The following GLB1L3 variants were observed in gnomAD, a reference collection of about 807,000 sequenced individuals.
The protein encoded by GLB1L3 is galactosidase beta 1 like 3.
GLB1L3 carries 89 observed loss-of-function variants against 89.5 expected under a neutral mutation model. The ratio of observed to expected loss-of-function variants is 0.99; its 90% CI spans 0.84 to 1.19. The LOEUF (loss-of-function observed/expected upper bound fraction) is 1.19, where lower values mean the gene tolerates loss of function less well. Ranked by LOEUF, GLB1L3 falls within the 50% of genes most tolerant of loss-of-function variation. The probability of loss-of-function intolerance (pLI) is 0.00; values close to 1 mark genes in which losing one functional copy is unlikely to be tolerated. For synonymous variants in GLB1L3, 314 were observed against 312.3 expected, an observed-to-expected ratio of 1.01 and a Z score of -0.06; for missense variants, 812 against 813.3, an observed-to-expected ratio of 1.00 and a Z score of 0.02.
At chr11:134,297,873 A>AG (rs1207856837) in intron 9 of GLB1L3, among the ~76,000 whole-genome samples, 9 of 133,854 alleles carry the variant, frequency 6.7e-5, no homozygotes, top group South Asian at 2.4e-4. Context: ...AAAAAAAAAA[A>AG]AAAAAAGAAA....
intron 17 of GLB1L3, 91 bp from the exon 18 acceptor site, chr11:134,314,239 C>A: frequency 1.2e-6 from 1 of 860,136 alleles, no homozygotes. Context: ...GAAACAGAAC[C>A]TTAGGCTCGG....
chr11:134,297,788 A>G (rs1340605322), intron 9 of GLB1L3, among the ~76,000 whole-genome samples: 3 of 137,558 alleles, frequency 2.2e-5, no homozygotes, highest in Non-Finnish European at 4.6e-5. Context: ...TGAACCCAGG[A>G]GGTGGAGGTA....
intron 3 of GLB1L3, among the ~76,000 whole-genome samples, chr11:134,280,071 A>C (rs1421699098): frequency 6.6e-6 from 1 of 152,078 alleles, no homozygotes; most frequent in Non-Finnish European, 1.5e-5. Flanking sequence ...TATAGCCCAC[A>C]AATTTTGCTA....
intron 8 of GLB1L3, chr11:134,292,435 C>T (rs1009160699): frequency 6.7e-6 from 3 of 449,966 alleles, no homozygotes; most frequent in African/African-American, 3.9e-5. Context: ...CGTCTTTAAA[C>T]ACAGCAGCAC....
At chr11:134,314,060 C>T in intron 17 of GLB1L3, 32 bp downstream of exon 17, 3 of 1,381,374 alleles carry the variant, frequency 2.2e-6, no homozygotes, top group Middle Eastern at 1.8e-4. Context: ...GTGCACACTT[C>T]AGTGATCGGG....
At chr11:134,299,061 G>A (rs1291540793) in intron 9 of GLB1L3, among the ~76,000 whole-genome samples, 2 of 151,936 alleles carry the variant, frequency 1.3e-5, no homozygotes, top group Admixed American at 6.6e-5. Flanking sequence ...CTTTAAGTTC[G>A]TTGATTCATT....
chr11:134,297,967 T>G (rs1484642013), intron 9 of GLB1L3, among the ~76,000 whole-genome samples: 2 of 151,638 alleles, frequency 1.3e-5, no homozygotes. Flanking sequence ...AGTACTAGGA[T>G]TGTACAATAG....
intron 6 of GLB1L3, among the ~76,000 whole-genome samples, chr11:134,284,612 C>T (rs962608758): frequency 6.6e-6 from 1 of 152,032 alleles, no homozygotes; most frequent in African/African-American, 2.4e-5. Flanking sequence ...GCCTGTAACC[C>T]CAGCTACTCA....
At chr11:134,300,524 C>CG (rs1187406102) in intron 9 of GLB1L3, among the ~76,000 whole-genome samples, 5 of 151,812 alleles carry the variant, frequency 3.3e-5, no homozygotes, top group African/African-American at 4.8e-5. Context: ...TTAGTAGAGA[C>CG]GGGGTTTCAC....
intron 7 of GLB1L3, among the ~76,000 whole-genome samples, chr11:134,290,890 T>G (rs1941321231): frequency 6.6e-6 from 1 of 152,112 alleles, no homozygotes; most frequent in Non-Finnish European, 1.5e-5. Flanking sequence ...TTTCAGTGAC[T>G]TAGATCCTCT....
At chr11:134,280,167 TTTTA>T (rs144409069) in intron 3 of GLB1L3, among the ~76,000 whole-genome samples, 2,391 of 151,988 alleles carry the variant, frequency 0.016, 53 homozygotes, top group African/African-American at 0.055. Context: ...ACGCTTTCTG[TTTTA>T]TTTATTTATT....
At chr11:134,308,380 TCACCAC>T (rs1565413426) in intron 10 of GLB1L3, among the ~76,000 whole-genome samples, 2 of 17,512 alleles carry the variant, frequency 1.1e-4, no homozygotes, top group Non-Finnish European at 2.2e-4. Flanking sequence ...ACCACCACCA[TCACCAC>T]CATCACCACC....
intron 16 of GLB1L3, 75 bp downstream of exon 16, chr11:134,313,549 G>A (rs1262907502): frequency 1.0e-6 from 1 of 993,308 alleles, no homozygotes; most frequent in South Asian, 1.4e-5. Context: ...TCGGGGGCGG[G>A]AGAGGGTGGG....
At chr11:134,322,536 T>G (rs752107853), downstream of GLB1L3, among the ~76,000 whole-genome samples, 1 of 152,170 alleles carries the variant, frequency 6.6e-6, no homozygotes, top group Non-Finnish European at 1.5e-5. Flanking sequence ...TTTTCATCAC[T>G]CCAGATAGCA....
intron 9 of GLB1L3, among the ~76,000 whole-genome samples, chr11:134,304,716 T>G (rs904954411): frequency 6.6e-6 from 1 of 152,334 alleles, no homozygotes; most frequent in East Asian, 1.9e-4. Flanking sequence ...GTACTTTTAG[T>G]TCTCTTTTTA....
chr11:134,314,056 A>C lies in GLB1L3; in HGVS notation c.1667+28A>C, dbSNP rs780313136. On this transcript the variant is annotated intron_variant, in intron 17 of 19. Transcript: ENST00000431683. ...ATGCTCCAGCTGGCCCCCAGTGCAC[A>C]CTTCAGTGATCGGGGAACTCAGAGA... is the stretch of plus-strand genomic sequence containing the variant. 32 of 1,414,716 alleles carry C rather than the reference A, an allele frequency of 2.3e-5. 1 individual carries two copies. The African/African-American group carries it at 4.2e-4, about 19-fold the overall frequency. The allele number at this position is 1,414,716 out of a possible 1,614,324, so 87.6% of individuals were successfully genotyped here.
At chr11:134,303,854 T>G (rs1942059752) in intron 9 of GLB1L3, among the ~76,000 whole-genome samples, 1 of 152,140 alleles carries the variant, frequency 6.6e-6, no homozygotes, top group Non-Finnish European at 1.5e-5. Flanking sequence ...GCAGACTCTC[T>G]GTTTCCAGGC....
At chr11:134,297,697 T>C (rs1018728911) in intron 9 of GLB1L3, among the ~76,000 whole-genome samples, 3 of 151,616 alleles carry the variant, frequency 2.0e-5, no homozygotes, top group African/African-American at 7.3e-5. Flanking sequence ...CCCATCTCTA[T>C]TAAAATACAA....
At chr11:134,281,323 T>G in intron 3 of GLB1L3, 54 bp from the exon 4 acceptor site, 1 of 1,607,632 alleles carries the variant, frequency 6.2e-7, no homozygotes, top group Non-Finnish European at 8.5e-7. Flanking sequence ...GACCTAACAA[T>G]TTGGAGGAAG....
Sources: allele counts gnomAD v4.1 joint callset (sites outside exome capture counted in the v4.1 genomes callset), GRCh38; gene constraint gnomAD v4.1.1; transcripts MANE v1.5; gene names NCBI Gene and HGNC (gene_info 2026-07-23, HGNC 2026-07-21).